TRIM28: variants seen among roughly 807,000 people sequenced by gnomAD.
TRIM28 encodes the protein tripartite motif containing 28.
Under a neutral mutation model 87.4 loss-of-function variants are expected in TRIM28, and 8 were observed. That is an observed-to-expected ratio of 0.09 (90% CI 0.05 to 0.17). TRIM28 has a LOEUF of 0.17. TRIM28 is among the 10% of genes least tolerant of loss of function. TRIM28 has a pLI of 1.00. For missense variants in TRIM28, 968 were observed against 1,131.8 expected (o/e 0.86, Z 2.08); for synonymous variants, 601 against 454.3 (o/e 1.32, Z -4.11).
intron 6 of TRIM28, 49 bp downstream of exon 6, chr19:58,547,955 G>T (rs1435841446): frequency 6.2e-7 from 1 of 1,613,612 alleles, no homozygotes; most frequent in South Asian, 1.1e-5. Flanking sequence ...TCTGCTGATT[G>T]ATGATGCTGT....
rs2053748380 is a variant in TRIM28, at chr19:58,545,055, G to A, written c.298G>A (p.Ala100Thr). The A allele has an allele frequency of 1.4e-6, 2 of 1,456,428 alleles. No homozygotes were observed. Among genetic ancestry groups the A allele is most frequent in the Non-Finnish European group, 8.9e-7 (1 of 1,117,652 alleles). 90.2% of individuals were successfully genotyped at this position (1,456,428 alleles called of 1,614,324 possible). Reference sequence around the variant, plus strand: ...CTTAGGGCCCGCGGCCCCCGCCGCCGCCAACAGCTCGGGGGACGGCGGGGC... The same window carrying A: ...CTTAGGGCCCGCGGCCCCCGCCGCCACCAACAGCTCGGGGGACGGCGGGGC... Reference protein sequence around the residue: ...ACLGPAAPAAANSSGDGGAAG... With the variant: ...ACLGPAAPAATNSSGDGGAAG... Residue 100 changes from alanine to threonine, a missense_variant, in exon 1 of 17, where the codon GCC (alanine) becomes ACC (threonine). Physicochemically the swap from Ala to Thr is moderately conservative, Grantham distance 58. This residue lies in a region of TRIM28 where 208 missense variants were observed against 170.9 expected (regional missense o/e 1.22). Coordinates refer to ENST00000253024, the MANE Select transcript of TRIM28 (RefSeq NM_005762.3).
At position 58,548,611 on chromosome 19, in the gene TRIM28, C is replaced by G; in HGVS notation, c.1323+19C>G. ...CAGCCAGGTGAGCAGGAGAGAGGAC[C>G]CAGGAAGGGGTGGGCAGGGAATGGG... is the stretch of plus-strand genomic sequence containing the variant. On this transcript the variant is annotated intron_variant, in intron 9 of 16. Transcript: ENST00000253024. 6.2e-7 allele frequency: 1 copy of G among 1,611,422 alleles called. No homozygotes were observed. Among genetic ancestry groups the G allele is most frequent in the Admixed American group, 1.7e-5 (1 of 59,908 alleles).
intron 3 of TRIM28, 63 bp downstream of exon 3, chr19:58,545,959 T>G (rs1167203061): frequency 1.4e-5 from 21 of 1,537,620 alleles, no homozygotes; most frequent in Non-Finnish European, 2.6e-6. Context: ...GTTGCTTTTA[T>G]GATGTTGGTT....
chr19:58,547,315 C>T (rs74864841), intron 3 of TRIM28, 61 bp from the exon 4 acceptor site: 5 of 1,591,044 alleles, frequency 3.1e-6, no homozygotes, highest in African/African-American at 1.3e-5. Context: ...CCAACTCATT[C>T]TGCTTCCTGA....
In TRIM28 at chr19:58,547,378, C is replaced by G; in HGVS notation, c.589C>G (p.Pro197Ala). 6.2e-7 allele frequency: 1 copy of G among 1,613,552 alleles called. No individual in the cohort carries two copies. Among genetic ancestry groups the G allele is most frequent in the Non-Finnish European group, 8.5e-7 (1 of 1,179,632 alleles). ...TKDHTVRSTG[P>A]AKSRDGERTV... Reference sequence around the variant, plus strand: ...GCCTTATGATTCCCACTCCCCAGGGCCAGCCAAGTCTCGGGATGGTGAACG... The same window carrying G: ...GCCTTATGATTCCCACTCCCCAGGGGCAGCCAAGTCTCGGGATGGTGAACG... Residue 197 changes from proline to alanine, a missense_variant and splice_region_variant, in exon 4 of 17, where the codon CCA (proline) becomes GCA (alanine). Pro to Ala is a conservative substitution (Grantham distance 27). Around this residue, in one of 11 missense-constraint regions of TRIM28, gnomAD observed 103 missense variants for 139.0 expected, o/e 0.74. Coordinates refer to ENST00000253024, the MANE Select transcript of TRIM28 (RefSeq NM_005762.3).
intron 2 of TRIM28, 95 bp downstream of exon 2, chr19:58,545,632 T>A (rs1212644405): frequency 3.3e-6 from 5 of 1,496,306 alleles, no homozygotes; most frequent in South Asian, 2.4e-5. Flanking sequence ...TACTCCACTT[T>A]CCCAAGGCTC....
rs943881296 is a variant in TRIM28, at chr19:58,545,057, C to T, written c.300C>T (p.Ala100=). 2.4e-5 allele frequency: 35 copies of T among 1,455,906 alleles called. No individual in the cohort carries two copies. The highest frequency in any genetic ancestry group is 3.0e-5 in the Non-Finnish European group (34 of 1,117,460). The allele number at this position is 1,455,906 out of a possible 1,614,324, so 90.2% of individuals were successfully genotyped here. ...TAGGGCCCGCGGCCCCCGCCGCCGC[C>T]AACAGCTCGGGGGACGGCGGGGCGG... The part of the protein sequence containing the change: ...ACLGPAAPAA[A]NSSGDGGAAG... The change falls in exon 1 of 17, where the codon GCC becomes GCT. Residue 100 remains alanine, a synonymous_variant. Transcript: ENST00000253024.
Position 58,549,710 on chromosome 19 carries a change from T to G in TRIM28, c.1983-27T>G. On this transcript the variant is annotated intron_variant, in intron 13 of 16. Coordinates refer to ENST00000253024, the MANE Select transcript of TRIM28 (RefSeq NM_005762.3). The surrounding 1 kb of genome is among the most constrained non-coding windows in gnomAD (Gnocchi z 4.4). Reference sequence around the variant, plus strand: ...GTTGGGCTGTCTGGACAGGATCATGTGCAGACCCTTATTTTCTTCACCCTA... The same window carrying G: ...GTTGGGCTGTCTGGACAGGATCATGGGCAGACCCTTATTTTCTTCACCCTA... The G allele has an allele frequency of 1.3e-6, 2 of 1,599,356 alleles. No individual in the cohort carries two copies. Among genetic ancestry groups the G allele is most frequent in the South Asian group, 2.2e-5 (2 of 89,534 alleles).
intron 9 of TRIM28, 74 bp downstream of exon 9, chr19:58,548,666 G>C: frequency 6.3e-7 from 1 of 1,599,256 alleles, no homozygotes; most frequent in Non-Finnish European, 8.5e-7. Flanking sequence ...GACCCAGGCA[G>C]GGGGGGTGGG....
rs560630032 is a variant in TRIM28 at position 58,548,725 on chromosome 19, C to T, written c.1324-15C>T. On this transcript the variant is annotated splice_polypyrimidine_tract_variant and intron_variant, in intron 9 of 16. Coordinates refer to ENST00000253024, the MANE Select transcript of TRIM28 (RefSeq NM_005762.3). Reference sequence around the variant, plus strand: ...TCCTGTCCCACTGAGGCAGAGGGTTCTGCTTTGTTCACAGCCCATGGAGGT... The same window carrying T: ...TCCTGTCCCACTGAGGCAGAGGGTTTTGCTTTGTTCACAGCCCATGGAGGT... 1 of 1,613,518 alleles carries T rather than the reference C, an allele frequency of 6.2e-7. No individual in the cohort carries two copies.
intron 2 of TRIM28, 30 bp from the exon 3 acceptor site, chr19:58,545,734 G>T (rs1024076984): frequency 1.3e-6 from 2 of 1,588,984 alleles, no homozygotes; most frequent in African/African-American, 1.3e-5. Context: ...AAGTTGTCTT[G>T]CCTTCTCTGA....
chr19:58,550,426 C>T lies in TRIM28; in HGVS notation c.2381C>T (p.Thr794Met), dbSNP rs56229738. The change falls in exon 17 of 17, where the codon ACG becomes ATG. Residue 794 changes from threonine to methionine, a missense_variant. Coordinates refer to ENST00000253024, the MANE Select transcript of TRIM28 (RefSeq NM_005762.3). ...ATCGGCCTGCAGCGCTTCTTCGAGA[C>T]GCGCATGAACGAGGCCTTCGGTGAC... ...SIIGLQRFFE[T>M]RMNEAFGDTK... 1.5e-5 allele frequency: 25 copies of T among 1,613,764 alleles called. No individual in the cohort carries two copies. The highest frequency in any genetic ancestry group is 4.5e-5 in the East Asian group (2 of 44,898).
intron 15 of TRIM28, 53 bp from the exon 16 acceptor site, chr19:58,550,094 C>T: frequency 2.5e-6 from 4 of 1,613,374 alleles, no homozygotes; most frequent in Non-Finnish European, 2.5e-6. Context: ...CGCCCTCAAC[C>T]TGTGCATGTA....
Position 58,545,549 on chromosome 19 carries a change from C to G in TRIM28, c.453+12C>G, listed in dbSNP as rs78438673. ...AGGATGCGAACCAGGTGCGTCCTAT[C>G]TCAGCAACCACAAGGAGGTTTCTGG... On this transcript the variant is annotated intron_variant, in intron 2 of 16. Coordinates refer to ENST00000253024, the MANE Select transcript of TRIM28 (RefSeq NM_005762.3). The G allele has an allele frequency of 1.3e-6, 2 of 1,598,556 alleles. No individual in the cohort carries two copies. The highest frequency in any genetic ancestry group is 1.7e-5 in the Admixed American group (1 of 59,450).
intron 4 of TRIM28, 39 bp from the exon 5 acceptor site, chr19:58,547,558 C>T (rs1008027721): frequency 2.9e-5 from 46 of 1,613,424 alleles, no homozygotes; most frequent in East Asian, 1.3e-4. Flanking sequence ...CCACCCCTTC[C>T]GTAGCTTAGT....
Position 58,548,190 on chromosome 19 carries a change from G to A in TRIM28, c.1101+10G>A. ...GCTTTCTAAGAAGTTGGTGTGTACT[G>A]GTGGGCTCCTGGCTGGTGGGTTCCA... is the stretch of plus-strand genomic sequence containing the variant. On this transcript the variant is annotated intron_variant, in intron 7 of 16. Coordinates refer to ENST00000253024, the MANE Select transcript of TRIM28 (RefSeq NM_005762.3). The A allele has an allele frequency of 6.2e-7, 1 of 1,613,862 alleles. No individual in the cohort carries two copies. The highest frequency in any genetic ancestry group is 8.5e-7 in the Non-Finnish European group (1 of 1,179,740).
In TRIM28 at chr19:58,549,914, G is replaced by T. The variant is rs1336211395; in HGVS notation, c.2107-35G>T. The T allele has an allele frequency of 6.2e-7, 1 of 1,613,924 alleles. No individual in the cohort carries two copies. Among genetic ancestry groups the T allele is most frequent in the Non-Finnish European group, 8.5e-7 (1 of 1,179,988 alleles). On this transcript the variant is annotated intron_variant, in intron 14 of 16. Transcript: ENST00000253024. The surrounding 1 kb of genome is among the most constrained non-coding windows in gnomAD (Gnocchi z 4.4). ...TGCCCAGAGAGGCTTTATAGGTGCT[G>T]CCCAGAGCTGTGACATCCCTTACAA...
chr19:58,547,338 G>A (rs376925940), intron 3 of TRIM28, 38 bp from the exon 4 acceptor site: 1 of 1,601,168 alleles, frequency 6.2e-7, no homozygotes, highest in Non-Finnish European at 8.6e-7. Context: ...TGGGGGTGGT[G>A]AAGGGCAAGG....
In TRIM28 at chr19:58,548,916, T is replaced by A. The variant is rs1270093085; in HGVS notation, c.1409+6T>A. 6.2e-7 allele frequency: 1 copy of A among 1,614,028 alleles called. No homozygotes were observed. The highest frequency in any genetic ancestry group is 1.1e-5 in the South Asian group (1 of 91,084). Reference sequence around the variant, plus strand: ...CATGTGTCAGGTGTGAAACGGTAAGTATGGCACCTCCCCTGGGGGTGAGGT... The same window carrying A: ...CATGTGTCAGGTGTGAAACGGTAAGAATGGCACCTCCCCTGGGGGTGAGGT... On this transcript the variant is annotated splice_donor_region_variant and intron_variant, in intron 11 of 16. Transcript: ENST00000253024.
Sources: gnomAD v4.1 joint callset for allele counts on GRCh38, gnomAD v4.1.1 for gene constraint, gnomAD v4.1.1 regional missense constraint, Gnocchi (gnomAD v3.1) non-coding constraint, MANE v1.5 for transcripts, NCBI Gene and HGNC (gene_info 2026-07-23, HGNC 2026-07-21) for gene names.